The following TNRC18 variants were observed in gnomAD, a reference collection of about 807,000 sequenced individuals.
The protein encoded by TNRC18 is trinucleotide repeat-containing gene 18 protein.
TNRC18 carries 69 observed loss-of-function variants against 226.7 expected under a neutral mutation model. That is an observed-to-expected ratio of 0.30 (90% CI 0.25 to 0.37). TNRC18 has a LOEUF of 0.37. TNRC18 is among the 10% of genes least tolerant of loss of function. TNRC18 has a pLI of 1.00. For missense variants in TNRC18, 4,754 were observed against 4,256.6 expected (o/e 1.12, Z -3.25); for synonymous variants, 2,449 against 1,927.6 (o/e 1.27, Z -7.09).
chr7:5,402,039 C>A (rs565060784), intron 2 of TNRC18, among the ~76,000 whole-genome samples: 10 of 152,060 alleles, frequency 6.6e-5, no homozygotes, highest in Non-Finnish European at 1.2e-4. Flanking sequence ...ATTAGCTGGG[C>A]GTGGTGGCGG....
intron 2 of TNRC18, among the ~76,000 whole-genome samples, chr7:5,409,022 A>C (rs1032916796): frequency 1.3e-5 from 2 of 152,170 alleles, no homozygotes; most frequent in African/African-American, 4.8e-5. Flanking sequence ...CTTCAACGTC[A>C]ACAGACAAGA....
intron 18 of TNRC18, among the ~76,000 whole-genome samples, chr7:5,341,548 G>A (rs1464050790): frequency 6.6e-6 from 1 of 151,916 alleles, no homozygotes; most frequent in Non-Finnish European, 1.5e-5. Context: ...AGGATCATTT[G>A]AGGTCAGGAG....
Position 5,308,345 on chromosome 7 carries a change from TGGG to T in TNRC18, c.8701-36_8701-34del, listed in dbSNP as rs148493175. On this transcript the variant is annotated intron_variant, in intron 29 of 29. Coordinates refer to ENST00000430969, the MANE Select transcript of TNRC18 (RefSeq NM_001080495.3). ...CACGCGGGGATATCAGGATGGCAGG[TGGG>T]GGGCACAGAGGCCGAGGGAGCCCCA... The T allele has an allele frequency of 1.5e-5, 24 of 1,579,756 alleles. 1 individual carries two copies. The Admixed American group carries it at 1.6e-4, about 11-fold the overall frequency.
In TNRC18 at chr7:5,374,178, GC is replaced by G; in HGVS notation, c.3105del (p.Ala1037ProfsTer122). On this transcript the variant is annotated frameshift_variant, in exon 10 of 30. Transcript: ENST00000430969. LOFTEE classifies it high-confidence loss of function. ...ATPSSHPTSP[P>X]PASPPPTPGI... ...CCCGGGGTGGGCGGTGGGGAGGCGG[GC>G]GGCGGGCTGGTGGGGTGGGAGCTGG... 1 of 1,424,444 alleles carries G rather than the reference GC, an allele frequency of 7.0e-7. No individual in the cohort carries two copies. The highest frequency in any genetic ancestry group is 9.2e-7 in the Non-Finnish European group (1 of 1,089,578). 88.2% of individuals were successfully genotyped at this position (1,424,444 alleles called of 1,614,324 possible).
chr7:5,343,484 G>A (rs557955958), intron 18 of TNRC18, among the ~76,000 whole-genome samples: 5 of 152,272 alleles, frequency 3.3e-5, no homozygotes, highest in South Asian at 2.1e-4. Flanking sequence ...GTGCAGTGGC[G>A]CATTCTCGGC....
intron 16 of TNRC18, among the ~76,000 whole-genome samples, chr7:5,355,403 G>T (rs538422611): frequency 1.6e-4 from 24 of 152,128 alleles, no homozygotes; most frequent in Non-Finnish European, 3.1e-4. Context: ...TGAGGCAGGA[G>T]GATCTCTTGA....
At position 5,321,610 on chromosome 7, in the gene TNRC18, T is replaced by C. The variant is rs1187876024; in HGVS notation, c.6443-420A>G. Among the ~76,000 whole-genome samples the C allele has an allele frequency of 3.3e-5, 5 of 152,114 alleles. No individual in the cohort carries two copies. The East Asian group carries it at 7.7e-4, about 23-fold the overall frequency. Reference sequence around the variant, plus strand: ...CTCCATCATGATGTCCGCCCCCTCTTACTGCTGCCCACAGCCAAACTTCTA... The same window carrying C: ...CTCCATCATGATGTCCGCCCCCTCTCACTGCTGCCCACAGCCAAACTTCTA... On this transcript the variant is annotated intron_variant, in intron 21 of 29. Transcript: ENST00000430969.
At chr7:5,320,794 G>A in intron 22 of TNRC18, 187 bp from the exon 23 acceptor site, 1 of 630,466 alleles carries the variant, frequency 1.6e-6, no homozygotes, top group Non-Finnish European at 2.8e-6. Context: ...GTAGGACTAG[G>A]GGTTGCAAGG....
chr7:5,332,571 A>G (rs1789642408), intron 19 of TNRC18, 51 bp downstream of exon 19: 6 of 1,474,830 alleles, frequency 4.1e-6, no homozygotes, highest in Non-Finnish European at 5.4e-6. Context: ...CCCCTCCCTC[A>G]CGGAACCCCA....
intron 2 of TNRC18, among the ~76,000 whole-genome samples, chr7:5,395,212 C>A (rs920139236): frequency 6.6e-6 from 1 of 152,190 alleles, no homozygotes; most frequent in African/African-American, 2.4e-5. Context: ...CAGGGTGTCC[C>A]CCAGCCCATG....
At chr7:5,396,811 G>A (rs1319988499) in intron 2 of TNRC18, among the ~76,000 whole-genome samples, 1 of 152,124 alleles carries the variant, frequency 6.6e-6, no homozygotes, top group African/African-American at 2.4e-5. Context: ...GATGGCCCCG[G>A]TCCAGCCTGT....
At chr7:5,355,289 G>C (rs576808020) in intron 16 of TNRC18, among the ~76,000 whole-genome samples, 1 of 152,336 alleles carries the variant, frequency 6.6e-6, no homozygotes, top group South Asian at 2.1e-4. Flanking sequence ...TGTTAAATGA[G>C]ATAAAACTCC....
Position 5,386,320 on chromosome 7 carries a change from G to A in TNRC18, c.2152+1352C>T, listed in dbSNP as rs534869597. Among the ~76,000 whole-genome samples the A allele has an allele frequency of 8.6e-5, 13 of 151,584 alleles. No homozygotes were observed. The South Asian group carries it at 1.7e-3, about 20-fold the overall frequency. Reference sequence around the variant, plus strand: ...AACAAAAAAAAAGTGACACAGGTAGGAGATTCAGTACTTTCGGAGGCCAAG... The same window carrying A: ...AACAAAAAAAAAGTGACACAGGTAGAAGATTCAGTACTTTCGGAGGCCAAG... On this transcript the variant is annotated intron_variant, in intron 5 of 29. Transcript: ENST00000430969.
chr7:5,312,269 C>G lies in TNRC18; in HGVS notation c.8388+234G>C, dbSNP rs1468827876. Among the ~76,000 whole-genome samples the G allele has an allele frequency of 6.6e-6, 1 of 152,198 alleles. No individual in the cohort carries two copies. Reference sequence around the variant, plus strand: ...ACGAGGGTGGCTCTGCGTCCCGGGACCAGAGGGCAGGACCACTCTGCTCTG... The same window carrying G: ...ACGAGGGTGGCTCTGCGTCCCGGGAGCAGAGGGCAGGACCACTCTGCTCTG... On this transcript the variant is annotated intron_variant, in intron 27 of 29. Transcript: ENST00000430969. The surrounding 1 kb of genome is among the most constrained non-coding windows in gnomAD (Gnocchi z 6.3).
rs1011900043 is a variant in TNRC18, at chr7:5,312,085, A to G, written c.8388+418T>C. On this transcript the variant is annotated intron_variant, in intron 27 of 29. Transcript: ENST00000430969. This position sits in a 1 kb window ranked among gnomAD's most constrained non-coding sequence, Gnocchi z 6.3. ...CGGGAGGCAGAGGGTGCAGTAAGCC[A>G]AGATCACACCACCACACTCCAGCCT... 6.6e-6 allele frequency among the ~76,000 whole-genome samples: 1 copy of G among 152,212 alleles called. No homozygotes were observed. The highest frequency in any genetic ancestry group is 1.5e-5 in the Non-Finnish European group (1 of 68,034).
intron 2 of TNRC18, among the ~76,000 whole-genome samples, chr7:5,419,622 G>C (rs1215449612): frequency 6.6e-6 from 1 of 151,890 alleles, no homozygotes; most frequent in African/African-American, 2.4e-5. Flanking sequence ...CCCTTGCCCC[G>C]GTCACAGACC....
intron 11 of TNRC18, among the ~76,000 whole-genome samples, chr7:5,366,363 C>A (rs1292063073): frequency 8.7e-6 from 1 of 115,036 alleles, no homozygotes; most frequent in East Asian, 2.8e-4. Flanking sequence ...GAATCTCACT[C>A]TGTCGCCCAG....
chr7:5,361,136 G>A (rs1403771089), intron 14 of TNRC18, among the ~76,000 whole-genome samples: 2 of 152,194 alleles, frequency 1.3e-5, no homozygotes, highest in East Asian at 1.9e-4. Context: ...CCGAGGAGGA[G>A]AAGCTTGTCC....
At chr7:5,378,117 C>G (rs1185511203) in intron 5 of TNRC18, 93 bp from the exon 6 acceptor site, 26 of 1,014,052 alleles carry the variant, frequency 2.6e-5, no homozygotes, top group Non-Finnish European at 3.2e-5. Flanking sequence ...CCTGGGCCCC[C>G]CAGAGCCCCG....
Sources: gnomAD v4.1 joint callset for allele counts (sites outside exome capture counted in the v4.1 genomes callset) on GRCh38, gnomAD v4.1.1 for gene constraint, Gnocchi (gnomAD v3.1) non-coding constraint, MANE v1.5 for transcripts, NCBI Gene and HGNC (gene_info 2026-07-23, HGNC 2026-07-21) for gene names.